Variants in FGF12 observed in about 807,000 individuals in gnomAD.
The protein encoded by FGF12 is fibroblast growth factor 12, also known as fibroblast growth factor 12B.
In FGF12, 14 loss-of-function variants were observed where a neutral mutation model predicts 23.6. The ratio of observed to expected loss-of-function variants is 0.59; its 90% CI spans 0.39 to 0.93. The LOEUF is 0.93. Among genes scored for constraint, FGF12 ranks in the 40% least tolerant of loss-of-function variants. The pLI is 0.00. For synonymous variants in FGF12, 62 were observed against 77.3 expected (o/e 0.80, Z 1.04); for missense variants, 175 against 217.8 (o/e 0.80, Z 1.24).
At chr3:192,557,882 C>A (rs1490769563) in intron 2 of FGF12, among the ~76,000 whole-genome samples, 1 of 151,650 alleles carries the variant, frequency 6.6e-6, no homozygotes, top group Non-Finnish European at 1.5e-5. Context: ...TTTCATTTAA[C>A]AAACACTCAA....
chr3:192,492,956 A>ATTTTTTT (rs766838831), intron 2 of FGF12, among the ~76,000 whole-genome samples: 1 of 121,604 alleles, frequency 8.2e-6, no homozygotes, highest in Non-Finnish European at 1.8e-5. Context: ...AATTTTTGTA[A>ATTTTTTT]TTTTTTTTTT....
intron 4 of FGF12, among the ~76,000 whole-genome samples, chr3:192,176,547 G>A (rs1715872084): frequency 6.6e-6 from 1 of 152,200 alleles, no homozygotes; most frequent in African/African-American, 2.4e-5. Flanking sequence ...AGAACTGATT[G>A]ACAGTACTGA....
intron 4 of FGF12, among the ~76,000 whole-genome samples, chr3:192,302,085 C>G (rs1010685905): frequency 6.6e-6 from 1 of 152,250 alleles, no homozygotes; most frequent in Non-Finnish European, 1.5e-5. Context: ...AAAGTGAGCA[C>G]AACACTTGCT....
intron 5 of FGF12, among the ~76,000 whole-genome samples, chr3:192,161,234 T>A (rs77880784): frequency 5.3e-5 from 8 of 152,130 alleles, no homozygotes; most frequent in African/African-American, 1.7e-4. Flanking sequence ...TTTGGCCAGC[T>A]CAAACGTACA....
chr3:192,520,224 GTAGAGC>G (rs549551304), intron 2 of FGF12, among the ~76,000 whole-genome samples: 155 of 152,278 alleles, frequency 1.0e-3, no homozygotes, highest in African/African-American at 2.7e-3. Context: ...GATATATCAT[GTAGAGC>G]TAGAGATAGA....
chr3:192,296,562 G>C (rs1016492604), intron 4 of FGF12, among the ~76,000 whole-genome samples: 1 of 151,982 alleles, frequency 6.6e-6, no homozygotes, highest in Non-Finnish European at 1.5e-5. Context: ...AAATTGTCCT[G>C]ATTTAATAAG....
intron 2 of FGF12, among the ~76,000 whole-genome samples, chr3:192,522,804 A>G (rs545501794): frequency 2.6e-4 from 39 of 152,364 alleles, no homozygotes; most frequent in African/African-American, 9.4e-4. Context: ...TGAATTTAAC[A>G]ACCATATAAA....
At chr3:192,414,603 G>A (rs192889557) in intron 2 of FGF12, among the ~76,000 whole-genome samples, 1 of 152,176 alleles carries the variant, frequency 6.6e-6, no homozygotes, top group Admixed American at 6.5e-5. Flanking sequence ...GAAGCTAAAG[G>A]GAAAATAATA....
chr3:192,557,888 C>T (rs1289359920), intron 2 of FGF12, among the ~76,000 whole-genome samples: 2 of 151,654 alleles, frequency 1.3e-5, no homozygotes, highest in Non-Finnish European at 3.0e-5. Context: ...TTAACAAACA[C>T]TCAAAAAACT....
At chr3:192,309,362 T>A (rs912571864) in intron 4 of FGF12, among the ~76,000 whole-genome samples, 6 of 152,174 alleles carry the variant, frequency 3.9e-5, no homozygotes, top group Non-Finnish European at 8.8e-5. Flanking sequence ...TTCCACACAT[T>A]TGAAGAAACT....
At chr3:192,231,718 C>T (rs372177022) in intron 4 of FGF12, among the ~76,000 whole-genome samples, 33 of 151,688 alleles carry the variant, frequency 2.2e-4, no homozygotes, top group East Asian at 5.8e-4. Flanking sequence ...TGCAGTGAGC[C>T]GTGAAGGTGC....
intron 2 of FGF12, among the ~76,000 whole-genome samples, chr3:192,424,786 G>A (rs1560107349): frequency 6.6e-6 from 1 of 151,800 alleles, no homozygotes; most frequent in East Asian, 1.9e-4. Context: ...ACACACACAC[G>A]TATCTTTACA....
intron 2 of FGF12, among the ~76,000 whole-genome samples, chr3:192,433,218 G>C (rs1345655984): frequency 6.6e-6 from 1 of 152,182 alleles, no homozygotes. Flanking sequence ...TTTAGATATA[G>C]AATGATCCTT....
rs566269788 is a variant in FGF12, at chr3:192,442,500, A to T, written c.14-81962T>A. Among the ~76,000 whole-genome samples the T allele has an allele frequency of 7.7e-4, 117 of 152,368 alleles. 1 individual carries two copies. Among genetic ancestry groups the T allele is most frequent in the African/African-American group, 2.7e-3 (113 of 41,588 alleles). ...GGATTCTATAAGTTTTAGGTGCCAG[A>T]GGGAAAAGAATCTGAAGATGCCCAA... On this transcript the variant is annotated intron_variant, in intron 2 of 5. Coordinates refer to ENST00000445105, the MANE Select transcript of FGF12 (RefSeq NM_004113.6).
intron 2 of FGF12, among the ~76,000 whole-genome samples, chr3:192,576,073 GTTGGGGTTAAACA>G (rs1712868708): frequency 6.6e-6 from 1 of 152,144 alleles, no homozygotes; most frequent in Admixed American, 6.5e-5. Context: ...GAAAGGGTGA[GTTGGGGTTAAACA>G]TTAACAAATC....
chr3:192,238,948 T>C (rs1719452956), intron 4 of FGF12, among the ~76,000 whole-genome samples: 1 of 152,178 alleles, frequency 6.6e-6, no homozygotes, highest in Admixed American at 6.5e-5. Flanking sequence ...AAGTGCATTT[T>C]CCACAAACAG....
intron 4 of FGF12, chr3:192,265,401 T>A (rs1043938356): frequency 2.6e-5 from 4 of 152,302 alleles, no homozygotes; most frequent in African/African-American, 7.2e-5. Flanking sequence ...TGTGATGCGA[T>A]GGCCTCATAT....
intron 2 of FGF12, among the ~76,000 whole-genome samples, chr3:192,532,416 A>G (rs903430188): frequency 2.0e-5 from 3 of 152,104 alleles, no homozygotes; most frequent in Non-Finnish European, 2.9e-5. Context: ...TGTGTCATCT[A>G]TGATTTCTTT....
chr3:192,464,499 G>GGTGTGTGTGT (rs34803297), intron 2 of FGF12, among the ~76,000 whole-genome samples: 57 of 132,676 alleles, frequency 4.3e-4, no homozygotes, highest in South Asian at 8.1e-4. Flanking sequence ...AGTATTCCAT[G>GGTGTGTGTGT]GTGTGTGTGT....
Sources: gnomAD v4.1 joint callset for allele counts (sites outside exome capture counted in the v4.1 genomes callset) on GRCh38, gnomAD v4.1.1 for gene constraint, MANE v1.5 for transcripts, NCBI Gene and HGNC (gene_info 2026-07-23, HGNC 2026-07-21) for gene names.